Variants in DYNC1I1 observed in about 807,000 individuals in gnomAD.
DYNC1I1 encodes dynein cytoplasmic 1 intermediate chain 1.
DYNC1I1 carries 43 observed loss-of-function variants against 86.6 expected under a neutral mutation model. The ratio of observed to expected loss-of-function variants is 0.50; its 90% CI spans 0.39 to 0.64. The LOEUF (loss-of-function observed/expected upper bound fraction) is 0.64, where lower values mean the gene tolerates loss of function less well. Ranked by LOEUF, DYNC1I1 falls within the 30% of genes least tolerant of loss-of-function variation. The pLI is 0.00. For missense variants in DYNC1I1, 604 were observed against 788.8 expected (o/e 0.77, Z 2.81); for synonymous variants, 262 against 283.7 (o/e 0.92, Z 0.77).
In DYNC1I1 at chr7:95,836,985, G is replaced by A. The variant is rs1185671976; in HGVS notation, c.374+8869G>A. Among the ~76,000 whole-genome samples, 611 of 151,658 alleles carry A rather than the reference G, an allele frequency of 4.0e-3. 6 individuals carry two copies. The highest frequency in any genetic ancestry group is 0.013 in the African/African-American group (546 of 41,322). On this transcript the variant is annotated intron_variant, in intron 5 of 16. Transcript: ENST00000447467. ...TCTCAGCTCGTCAAGGTCGTTCTCC[G>A]TCCAGCTTTGTTCCGTTGCTGGTGA...
chr7:95,797,057 A>C (rs940783262), intron 1 of DYNC1I1, among the ~76,000 whole-genome samples: 1 of 152,162 alleles, frequency 6.6e-6, no homozygotes, highest in African/African-American at 2.4e-5. Flanking sequence ...AATGTCCTTC[A>C]TAAAGCAGAA....
At chr7:95,843,453 A>G (rs993426758) in intron 5 of DYNC1I1, among the ~76,000 whole-genome samples, 23 of 152,196 alleles carry the variant, frequency 1.5e-4, no homozygotes, top group African/African-American at 5.3e-4. Context: ...GGGCAGTTGT[A>G]GGGCTCCTCT....
At position 96,084,774 on chromosome 7, in the gene DYNC1I1, G is replaced by A. The variant is rs192509556; in HGVS notation, c.1776+4286G>A. On this transcript the variant is annotated intron_variant, in intron 16 of 16. Coordinates refer to ENST00000447467, the MANE Select transcript of DYNC1I1 (RefSeq NM_001135556.2). ...AAAAATGTTTAATGAGAAGGGCCACGACTCTACATTATAAACGTCAAGGTA... is the reference window on the plus strand; with the variant it reads ...AAAAATGTTTAATGAGAAGGGCCACAACTCTACATTATAAACGTCAAGGTA... Among the ~76,000 whole-genome samples the A allele has an allele frequency of 8.5e-5, 13 of 152,154 alleles. No homozygotes were observed. The South Asian group carries it at 1.0e-3, about 12-fold the overall frequency.
At chr7:95,995,324 G>A (rs1793838458) in intron 9 of DYNC1I1, among the ~76,000 whole-genome samples, 1 of 152,068 alleles carries the variant, frequency 6.6e-6, no homozygotes, top group African/African-American at 2.4e-5. Context: ...GAATGTTAGT[G>A]CAAGACCCTA....
At chr7:96,001,610 C>T (rs1466182916) in intron 10 of DYNC1I1, among the ~76,000 whole-genome samples, 1 of 152,108 alleles carries the variant, frequency 6.6e-6, no homozygotes, top group Admixed American at 6.5e-5. Flanking sequence ...ATACTGTGTG[C>T]GTAGCCTTAC....
At chr7:95,874,916 TA>T (rs1208055559) in intron 6 of DYNC1I1, among the ~76,000 whole-genome samples, 1 of 152,260 alleles carries the variant, frequency 6.6e-6, no homozygotes, top group Non-Finnish European at 1.5e-5. Context: ...TCATACCAGT[TA>T]ACCTTCCTGG....
At chr7:95,774,431 C>T (rs1562886852) in intron 1 of DYNC1I1, among the ~76,000 whole-genome samples, 1 of 152,172 alleles carries the variant, frequency 6.6e-6, no homozygotes, top group Non-Finnish European at 1.5e-5. Context: ...GCCTTTCCTC[C>T]CTCTTTGCTA....
chr7:95,916,691 A>G (rs1791476814), intron 6 of DYNC1I1, among the ~76,000 whole-genome samples: 1 of 151,994 alleles, frequency 6.6e-6, no homozygotes, highest in Non-Finnish European at 1.5e-5. Flanking sequence ...TCCCTCGGAC[A>G]TTTCCCTGTC....
chr7:95,795,512 T>C (rs1794412497), intron 1 of DYNC1I1, among the ~76,000 whole-genome samples: 2 of 152,136 alleles, frequency 1.3e-5, no homozygotes, highest in South Asian at 4.1e-4. Flanking sequence ...GTAGACTGGA[T>C]AAAGAAAATG....
At chr7:96,036,373 T>G (rs1222121586) in intron 13 of DYNC1I1, among the ~76,000 whole-genome samples, 1 of 152,198 alleles carries the variant, frequency 6.6e-6, no homozygotes, top group African/African-American at 2.4e-5. Flanking sequence ...AGAGTTCATA[T>G]TCTAGTTGAG....
At chr7:95,954,142 T>C (rs1019387619) in intron 6 of DYNC1I1, among the ~76,000 whole-genome samples, 1 of 151,932 alleles carries the variant, frequency 6.6e-6, no homozygotes, top group Non-Finnish European at 1.5e-5. Context: ...ATAGGCCTTG[T>C]GGATTCAAAA....
In DYNC1I1 at chr7:96,017,666, G is replaced by A. The variant is rs1435477769; in HGVS notation, c.970-10509G>A. Among the ~76,000 whole-genome samples, 7 of 152,156 alleles carry A rather than the reference G, an allele frequency of 4.6e-5. No individual in the cohort carries two copies. The East Asian group carries it at 1.3e-3, about 29-fold the overall frequency. The stretch of plus-strand genomic sequence containing the variant: ...TTCCTCAGGTCCTGTGTTTATGTCT[G>A]TAAGTAAGAAGTTCCACTTTTTGTT... On this transcript the variant is annotated intron_variant, in intron 10 of 16. Coordinates refer to ENST00000447467, the MANE Select transcript of DYNC1I1 (RefSeq NM_001135556.2).
At position 95,846,623 on chromosome 7, in the gene DYNC1I1, C is replaced by CTGTGTGTGTGTGTGTG. The variant is rs1314616292; in HGVS notation, c.374+18508_374+18509insGTGTGTGTGTGTGTGT. On this transcript the variant is annotated intron_variant, in intron 5 of 16. Coordinates refer to ENST00000447467, the MANE Select transcript of DYNC1I1 (RefSeq NM_001135556.2). The stretch of plus-strand genomic sequence containing the variant: ...TTCTGAACATAAATGATAAATCTCT[C>CTGTGTGTGTGTGTGTG]TCTCTGTGTGTGTGTGTGTGTGTGT... 2.2e-3 allele frequency among the ~76,000 whole-genome samples: 268 copies of CTGTGTGTGTGTGTGTG among 121,170 alleles called. 1 individual carries two copies. Among genetic ancestry groups the CTGTGTGTGTGTGTGTG allele is most frequent in the Admixed American group, 3.6e-3 (46 of 12,918 alleles). 79.5% of individuals were successfully genotyped at this position (121,170 alleles called of 152,430 possible). A position where few individuals can be genotyped will look rare whatever the true frequency, so the allele number is the denominator to read the frequency against.
intron 1 of DYNC1I1, among the ~76,000 whole-genome samples, chr7:95,786,489 G>A (rs1162591523): frequency 2.0e-5 from 3 of 152,112 alleles, no homozygotes; most frequent in Non-Finnish European, 2.9e-5. Context: ...CATGCTTTTT[G>A]AGACAGACTC....
chr7:95,780,492 A>G (rs1357793657), intron 1 of DYNC1I1, among the ~76,000 whole-genome samples: 1 of 144,670 alleles, frequency 6.9e-6, no homozygotes, highest in East Asian at 2.0e-4. Context: ...GTTAGCCAGG[A>G]TGGTCTCGAT....
intron 5 of DYNC1I1, among the ~76,000 whole-genome samples, chr7:95,856,411 G>A (rs1377128910): frequency 1.3e-5 from 2 of 152,118 alleles, no homozygotes; most frequent in African/African-American, 4.8e-5. Flanking sequence ...TATGTCGATG[G>A]CCGTTTCTTT....
At chr7:96,053,148 T>C (rs984046111) in intron 14 of DYNC1I1, among the ~76,000 whole-genome samples, 2 of 152,206 alleles carry the variant, frequency 1.3e-5, no homozygotes, top group African/African-American at 2.4e-5. Flanking sequence ...TTGCAATCCT[T>C]CATGAGGCTG....
At chr7:95,866,163 A>G (rs1282409344) in intron 5 of DYNC1I1, among the ~76,000 whole-genome samples, 6 of 152,204 alleles carry the variant, frequency 3.9e-5, no homozygotes, top group African/African-American at 1.4e-4. Flanking sequence ...GGTCTTTGCT[A>G]TGAAAGGACG....
intron 16 of DYNC1I1, among the ~76,000 whole-genome samples, chr7:96,091,712 G>A (rs934531891): frequency 6.6e-6 from 1 of 152,110 alleles, no homozygotes; most frequent in Non-Finnish European, 1.5e-5. Context: ...GTTTGACTGA[G>A]AACTATTCAA....
Sources: allele counts gnomAD v4.1 joint callset (sites outside exome capture counted in the v4.1 genomes callset), GRCh38; gene constraint gnomAD v4.1.1; transcripts MANE v1.5; gene names NCBI Gene and HGNC (gene_info 2026-07-23, HGNC 2026-07-21).